Variants in EXOC4 observed in about 807,000 individuals in gnomAD.
The protein encoded by EXOC4 is SEC8-like 1.
A neutral mutation model predicts 107.2 loss-of-function variants in EXOC4; 71 were observed. The observed-to-expected ratio is 0.66, with a 90% CI of 0.55 to 0.81. The LOEUF (loss-of-function observed/expected upper bound fraction) is 0.81. EXOC4 is among the 30% of genes least tolerant of loss of function. The pLI is 0.00. For missense variants in EXOC4, 1,108 were observed against 1,189.6 expected (o/e 0.93, Z 1.01); for synonymous variants, 456 against 441.2 (o/e 1.03, Z -0.42).
chr7:133,714,025 C>T (rs985499727), intron 10 of EXOC4, among the ~76,000 whole-genome samples: 3 of 152,048 alleles, frequency 2.0e-5, no homozygotes, highest in Admixed American at 2.0e-4. Context: ...TTGGTCTATA[C>T]TGCTTGATAG....
chr7:133,414,669 T>C (rs1314098644), intron 7 of EXOC4, among the ~76,000 whole-genome samples: 1 of 152,158 alleles, frequency 6.6e-6, no homozygotes, highest in Non-Finnish European at 1.5e-5. Context: ...CTAAGGGTAA[T>C]GTAAACTGTA....
chr7:134,064,199 A>G, intron 17 of EXOC4, 92 bp from the exon 18 acceptor site: 1 of 754,212 alleles, frequency 1.3e-6, no homozygotes, highest in Non-Finnish European at 2.0e-6. Context: ...TGAAGTAAGT[A>G]GAGGAATCAA....
chr7:133,562,937 G>A (rs941933804), intron 9 of EXOC4, among the ~76,000 whole-genome samples: 28 of 152,144 alleles, frequency 1.8e-4, no homozygotes, highest in African/African-American at 6.5e-4. Flanking sequence ...AGACTCATTA[G>A]GAATGCACTG....
intron 10 of EXOC4, among the ~76,000 whole-genome samples, chr7:133,765,979 A>G (rs1040387346): frequency 1.3e-5 from 2 of 152,002 alleles, no homozygotes; most frequent in Non-Finnish European, 2.9e-5. Flanking sequence ...ATAGAGCTCC[A>G]TAAAACGAAA....
the EXOC4 span, among the ~76,000 whole-genome samples, chr7:134,091,307 G>T: frequency 6.6e-6 from 1 of 152,152 alleles, no homozygotes; most frequent in Non-Finnish European, 1.5e-5. Flanking sequence ...GATTATTCAT[G>T]CCTCCCCTTT....
chr7:133,476,231 T>G (rs1324557113), intron 8 of EXOC4, among the ~76,000 whole-genome samples: 2 of 152,204 alleles, frequency 1.3e-5, no homozygotes, highest in East Asian at 3.8e-4. Context: ...TATTTACTAA[T>G]TACAACAACC....
chr7:133,980,568 A>G (rs945928546), intron 14 of EXOC4, among the ~76,000 whole-genome samples: 1 of 152,246 alleles, frequency 6.6e-6, no homozygotes, highest in Non-Finnish European at 1.5e-5. Context: ...ATGGTTGTCA[A>G]TCCAAAAGAA....
chr7:133,578,072 A>G (rs1285271305), intron 9 of EXOC4, among the ~76,000 whole-genome samples: 1 of 152,152 alleles, frequency 6.6e-6, no homozygotes, highest in Non-Finnish European at 1.5e-5. Context: ...TTCCAATTGA[A>G]CATACCTTTG....
chr7:134,060,231 A>G (rs1174214829), intron 17 of EXOC4, among the ~76,000 whole-genome samples: 4 of 152,220 alleles, frequency 2.6e-5, no homozygotes, highest in African/African-American at 9.6e-5. Flanking sequence ...AACTGCTGCA[A>G]AAAGGCACAC....
chr7:133,664,588 C>T (rs540852813), intron 10 of EXOC4, among the ~76,000 whole-genome samples: 93 of 152,224 alleles, frequency 6.1e-4, no homozygotes, highest in South Asian at 5.0e-3. Flanking sequence ...TTACCATCTC[C>T]AATTCTTTAG....
intron 5 of EXOC4, among the ~76,000 whole-genome samples, chr7:133,346,612 A>T (rs187888306): frequency 6.6e-6 from 1 of 152,026 alleles, no homozygotes; most frequent in Admixed American, 6.6e-5. Flanking sequence ...CCAGGTTCTC[A>T]TCTGTGGGGC....
intron 14 of EXOC4, among the ~76,000 whole-genome samples, chr7:133,956,797 ACT>A (rs1800829328): frequency 1.3e-5 from 2 of 152,190 alleles, no homozygotes; most frequent in East Asian, 1.9e-4. Flanking sequence ...TGAGGAAAAG[ACT>A]CTATTTCTTA....
intron 11 of EXOC4, among the ~76,000 whole-genome samples, chr7:133,836,441 T>A (rs1797920470): frequency 6.6e-6 from 1 of 152,180 alleles, no homozygotes. Flanking sequence ...CCTGTTAACC[T>A]TTCATGTGCT....
At chr7:134,100,062 G>C in the EXOC4 span, among the ~76,000 whole-genome samples, 1 of 151,980 alleles carries the variant, frequency 6.6e-6, no homozygotes, top group Non-Finnish European at 1.5e-5. Flanking sequence ...CATTTCTAAA[G>C]GCTACCATGT....
chr7:133,438,168 G>T (rs1798018928), intron 7 of EXOC4, among the ~76,000 whole-genome samples: 1 of 152,052 alleles, frequency 6.6e-6, no homozygotes, highest in Non-Finnish European at 1.5e-5. Context: ...GGTGTTTCTT[G>T]TTCATTATCA....
Position 133,605,557 on chromosome 7 carries a change from A to G in EXOC4, c.1418-24488A>G, listed in dbSNP as rs536876495. 2.0e-5 allele frequency among the ~76,000 whole-genome samples: 3 copies of G among 152,296 alleles called. No homozygotes were observed. The South Asian group carries it at 6.2e-4, about 32-fold the overall frequency. ...AGCATAATGTTTTTAAGGCTTATCC[A>G]TGGTATAGCATGAGTCAGTACTTTG... is the stretch of plus-strand genomic sequence containing the variant. On this transcript the variant is annotated intron_variant, in intron 9 of 17. Coordinates refer to ENST00000253861, the MANE Select transcript of EXOC4 (RefSeq NM_021807.4).
intron 10 of EXOC4, among the ~76,000 whole-genome samples, chr7:133,637,083 C>A (rs1802730758): frequency 6.6e-6 from 1 of 152,086 alleles, no homozygotes; most frequent in African/African-American, 2.4e-5. Flanking sequence ...TTAAGAGATG[C>A]TTAAAGTTAG....
At chr7:133,286,420 G>C (rs1272486260) in intron 2 of EXOC4, among the ~76,000 whole-genome samples, 1 of 152,134 alleles carries the variant, frequency 6.6e-6, no homozygotes, top group African/African-American at 2.4e-5. Context: ...CATAGTTTCT[G>C]TTCCCCCGTG....
intron 9 of EXOC4, among the ~76,000 whole-genome samples, chr7:133,574,043 A>G (rs1801077634): frequency 6.6e-6 from 1 of 152,134 alleles, no homozygotes; most frequent in South Asian, 2.1e-4. Flanking sequence ...GTGCTTCTTA[A>G]TATCATGAGT....
Sources: gnomAD v4.1 joint callset for allele counts (sites outside exome capture counted in the v4.1 genomes callset) on GRCh38, gnomAD v4.1.1 for gene constraint, MANE v1.5 for transcripts, NCBI Gene and HGNC (gene_info 2026-07-23, HGNC 2026-07-21) for gene names.